The following KIF18A variants were observed in gnomAD, a reference collection of about 807,000 sequenced individuals.
KIF18A encodes the protein kinesin family member 18A.
KIF18A carries 67 observed loss-of-function variants against 103.3 expected under a neutral mutation model. The ratio of observed to expected loss-of-function variants is 0.65; its 90% CI spans 0.53 to 0.79. The LOEUF (loss-of-function observed/expected upper bound fraction) is 0.79, where lower values mean the gene tolerates loss of function less well. Among genes scored for constraint, KIF18A ranks in the 30% least tolerant of loss-of-function variants. The probability of loss-of-function intolerance (pLI) is 0.00; values close to 1 mark genes in which losing one functional copy is unlikely to be tolerated. For missense variants in KIF18A, 1,032 were observed against 1,062.5 expected, an observed-to-expected ratio of 0.97 and a Z score of 0.40; for synonymous variants, 367 against 355.5, an observed-to-expected ratio of 1.03 and a Z score of -0.36.
At chr11:28,027,307 C>T (rs1369969103) in intron 15 of KIF18A, among the ~76,000 whole-genome samples, 2 of 151,764 alleles carry the variant, frequency 1.3e-5, no homozygotes, top group Non-Finnish European at 2.9e-5. Flanking sequence ...GCATCATGAA[C>T]TTCTAGTCAT....
rs567996370 is a variant in KIF18A at position 28,089,280 on chromosome 11, T to C, written c.700-559A>G. On this transcript the variant is annotated intron_variant, in intron 5 of 16. Transcript: ENST00000263181. Reference sequence around the variant, plus strand: ...AGCTACTTTCTGAGAAATGCACTGTTAGGTGATTTCCTCATTGTGAAAATA... The same window carrying C: ...AGCTACTTTCTGAGAAATGCACTGTCAGGTGATTTCCTCATTGTGAAAATA... 7.9e-5 allele frequency among the ~76,000 whole-genome samples: 12 copies of C among 152,324 alleles called. No individual in the cohort carries two copies. The South Asian group carries it at 1.2e-3, about 16-fold the overall frequency.
intron 12 of KIF18A, 52 bp from the exon 13 acceptor site, chr11:28,059,213 C>T (rs1445683239): frequency 1.5e-6 from 2 of 1,296,382 alleles, no homozygotes; most frequent in Non-Finnish European, 2.2e-6. Flanking sequence ...ATTTTAAACA[C>T]ATTATTTTAG....
intron 1 of KIF18A, 31 bp from the exon 2 acceptor site, chr11:28,098,024 T>C: frequency 8.7e-7 from 1 of 1,147,896 alleles, no homozygotes; most frequent in Non-Finnish European, 1.2e-6. Flanking sequence ...AAAGTTTTAA[T>C]ATCAGTTTTT....
Position 28,036,616 on chromosome 11 carries a change from C to T in KIF18A, c.1997G>A (p.Arg666Lys). The T allele has an allele frequency of 1.2e-6, 2 of 1,609,944 alleles. No homozygotes were observed. The highest frequency in any genetic ancestry group is 1.7e-6 in the Non-Finnish European group (2 of 1,177,576). ...TNLVKIPTEK[R>K]TRRKLMPSPL... ...AGATGGCATTAGTTTTCTCCGAGTT[C>T]TTTTTTCTGTAGGAATCTTAACCAG... Residue 666 changes from arginine to lysine, a missense_variant, in exon 14 of 17, where the codon AGA becomes AAA. Physicochemically the swap from Arg to Lys is conservative, Grantham distance 26. Coordinates refer to ENST00000263181, the MANE Select transcript of KIF18A (RefSeq NM_031217.4).
At chr11:28,066,987 A>G (rs572507943) in intron 11 of KIF18A, among the ~76,000 whole-genome samples, 1 of 151,798 alleles carries the variant, frequency 6.6e-6, no homozygotes, top group Non-Finnish European at 1.5e-5. Flanking sequence ...TGAATGTAGC[A>G]CTCCACTTAA....
At chr11:28,046,701 A>C (rs528088783) in intron 13 of KIF18A, among the ~76,000 whole-genome samples, 44 of 146,836 alleles carry the variant, frequency 3.0e-4, no homozygotes, top group South Asian at 4.4e-4. Flanking sequence ...TATAATAATA[A>C]AAGAAAAAAA....
intron 11 of KIF18A, 73 bp from the exon 12 acceptor site, chr11:28,062,589 A>C: frequency 8.6e-7 from 1 of 1,162,520 alleles, no homozygotes; most frequent in Non-Finnish European, 1.2e-6. Context: ...TAATAATTTT[A>C]TATTGTTGCC....
At chr11:28,032,386 T>C (rs1850422790) in intron 15 of KIF18A, among the ~76,000 whole-genome samples, 1 of 151,658 alleles carries the variant, frequency 6.6e-6, no homozygotes, top group Admixed American at 6.6e-5. Context: ...TTATATGGAA[T>C]CACAAAAGAC....
At chr11:28,087,406 A>G (rs1753683623) in intron 6 of KIF18A, among the ~76,000 whole-genome samples, 1 of 152,218 alleles carries the variant, frequency 6.6e-6, no homozygotes, top group African/African-American at 2.4e-5. Flanking sequence ...GTGCCTGTAA[A>G]GGACATGAAC....
intron 13 of KIF18A, among the ~76,000 whole-genome samples, chr11:28,045,889 G>A (rs1003581821): frequency 6.6e-6 from 1 of 151,636 alleles, no homozygotes; most frequent in African/African-American, 2.4e-5. Flanking sequence ...TGAAGGACAT[G>A]AACAGACACT....
intron 9 of KIF18A, 129 bp downstream of exon 9, chr11:28,082,727 T>C (rs1851180761): frequency 1.1e-5 from 6 of 564,630 alleles, no homozygotes; most frequent in Non-Finnish European, 1.8e-5. Flanking sequence ...TATGTGTGTA[T>C]ATATAAAATT....
chr11:28,094,185 C>G (rs1303014093), intron 3 of KIF18A, among the ~76,000 whole-genome samples: 1 of 152,074 alleles, frequency 6.6e-6, no homozygotes, highest in East Asian at 1.9e-4. Context: ...ATACAATTTT[C>G]TTTTACAATA....
At chr11:28,090,411 A>T (rs1227895169) in intron 5 of KIF18A, among the ~76,000 whole-genome samples, 1 of 152,218 alleles carries the variant, frequency 6.6e-6, no homozygotes, top group East Asian at 1.9e-4. Flanking sequence ...GTATGTTTAC[A>T]AAGGTAGAAA....
chr11:28,094,463 A>C (rs957107815), intron 3 of KIF18A, among the ~76,000 whole-genome samples, 180 bp downstream of exon 3: 2 of 148,978 alleles, frequency 1.3e-5, no homozygotes, highest in African/African-American at 2.5e-5. Flanking sequence ...TATAAGTCTG[A>C]AATTTTGCCA....
intron 13 of KIF18A, among the ~76,000 whole-genome samples, chr11:28,049,142 A>G (rs1036446819): frequency 1.3e-5 from 2 of 152,084 alleles, no homozygotes; most frequent in African/African-American, 2.4e-5. Flanking sequence ...AAATTTTCTA[A>G]AAATATTTTA....
At chr11:28,085,965 C>A (rs1163634094) in intron 6 of KIF18A, among the ~76,000 whole-genome samples, 1 of 152,008 alleles carries the variant, frequency 6.6e-6, no homozygotes, top group African/African-American at 2.4e-5. Context: ...AAACAAATAT[C>A]ATATTTAAAA....
chr11:28,039,764 GAGTATA>G (rs1339538087), intron 13 of KIF18A, among the ~76,000 whole-genome samples: 1 of 151,790 alleles, frequency 6.6e-6, no homozygotes, highest in Non-Finnish European at 1.5e-5. Context: ...TCTCCTGGCA[GAGTATA>G]AGCTGAAGGA....
At chr11:28,029,025 A>C (rs1850360043) in intron 15 of KIF18A, among the ~76,000 whole-genome samples, 1 of 152,162 alleles carries the variant, frequency 6.6e-6, no homozygotes. Flanking sequence ...TCTGAAATTG[A>C]GGCAATAATT....
chr11:28,061,312 G>C (rs1321434756), intron 12 of KIF18A, among the ~76,000 whole-genome samples: 1 of 152,064 alleles, frequency 6.6e-6, no homozygotes, highest in Non-Finnish European at 1.5e-5. Flanking sequence ...ATATAAGCTA[G>C]AATTCAAGAT....
Sources: allele counts gnomAD v4.1 joint callset (sites outside exome capture counted in the v4.1 genomes callset), GRCh38; gene constraint gnomAD v4.1.1; transcripts MANE v1.5; gene names NCBI Gene and HGNC (gene_info 2026-07-23, HGNC 2026-07-21).